Variants in INVS observed in about 807,000 individuals in gnomAD.
INVS encodes inversin, also known as inversion of embryo turning homolog.
In INVS, 86 loss-of-function variants were observed where a neutral mutation model predicts 108.8. The ratio of observed to expected loss-of-function variants is 0.79; its 90% CI spans 0.66 to 0.95. The LOEUF is 0.95. Among genes scored for constraint, INVS ranks in the 40% least tolerant of loss-of-function variants. The pLI is 0.00. For missense variants in INVS, 1,169 were observed against 1,297.4 expected (o/e 0.90, Z 1.52); for synonymous variants, 455 against 473.5 (o/e 0.96, Z 0.51).
chr9:100,249,283 T>C (rs1183229894), intron 8 of INVS, among the ~76,000 whole-genome samples: 1 of 152,174 alleles, frequency 6.6e-6, no homozygotes, highest in Admixed American at 6.5e-5. Context: ...CTGAAGAACA[T>C]GGTTTGGAAA....
chr9:100,129,526 T>TA (rs969843933), intron 3 of INVS: 9 of 462,220 alleles, frequency 1.9e-5, no homozygotes, highest in South Asian at 1.1e-4. Flanking sequence ...AAAAATTTTT[T>TA]AAAAAAACAA....
intron 3 of INVS, among the ~76,000 whole-genome samples, chr9:100,153,998 CAT>C (rs1277507090): frequency 5.9e-5 from 9 of 152,186 alleles, no homozygotes; most frequent in Admixed American, 2.6e-4. Flanking sequence ...TGGAGGGAAA[CAT>C]AACAATATCC....
intron 11 of INVS, among the ~76,000 whole-genome samples, chr9:100,267,634 A>G (rs1832834010): frequency 6.6e-6 from 1 of 152,250 alleles, no homozygotes; most frequent in Non-Finnish European, 1.5e-5. Flanking sequence ...GTCAATAACT[A>G]TCTGACACAC....
intron 7 of INVS, 145 bp from the exon 8 acceptor site, chr9:100,246,471 T>A (rs1832052051): frequency 1.6e-6 from 1 of 641,700 alleles, no homozygotes; most frequent in Admixed American, 2.8e-5. Flanking sequence ...AGTTCTGTCA[T>A]TAATAAAAAG....
chr9:100,168,355 C>CA (rs1479491383), intron 3 of INVS, among the ~76,000 whole-genome samples: 2 of 152,244 alleles, frequency 1.3e-5, no homozygotes, highest in East Asian at 3.9e-4. Context: ...AGGCTGCTGG[C>CA]AACGATCAGC....
At chr9:100,226,995 CA>C (rs1016249048) in intron 4 of INVS, among the ~76,000 whole-genome samples, 2 of 152,114 alleles carry the variant, frequency 1.3e-5, no homozygotes, top group Non-Finnish European at 2.9e-5. Flanking sequence ...GGTTTCAACC[CA>C]GAATCCACTA....
In INVS at chr9:100,301,164, CACACACACACACACAT is replaced by C. The variant is rs1017125973; in HGVS notation, c.*492_*507del. Among the ~76,000 whole-genome samples, 30 of 121,162 alleles carry C rather than the reference CACACACACACACACAT, an allele frequency of 2.5e-4. No individual in the cohort carries two copies. The East Asian group carries it at 3.3e-3, about 13-fold the overall frequency. 79.5% of individuals were successfully genotyped at this position (121,162 alleles called of 152,430 possible). ...TCACACACACACACACACACACACA[CACACACACACACACAT>C]ATCACGTCCCACTATTACTTCAAAA... is the stretch of plus-strand genomic sequence containing the variant. On this transcript the variant is annotated 3_prime_UTR_variant, in exon 17 of 17. Coordinates refer to ENST00000262457, the MANE Select transcript of INVS (RefSeq NM_014425.5).
At chr9:100,139,510 T>C (rs560249522) in intron 3 of INVS, among the ~76,000 whole-genome samples, 4 of 152,364 alleles carry the variant, frequency 2.6e-5, no homozygotes, top group East Asian at 3.9e-4. Context: ...TAGAAATCTC[T>C]ACCTGGATAT....
chr9:100,175,471 G>A, intron 3 of INVS: 1 of 849,124 alleles, frequency 1.2e-6, no homozygotes, highest in East Asian at 2.5e-5. Flanking sequence ...TGTGTACTCA[G>A]TGATAGATTT....
At chr9:100,100,706 AATAT>A (rs540643602) in intron 1 of INVS, among the ~76,000 whole-genome samples, 1,073 of 44,624 alleles carry the variant, frequency 0.024, 248 homozygotes, top group Middle Eastern at 0.06. Flanking sequence ...ATGTACATAT[AATAT>A]ATATATTATA....
At chr9:100,133,991 A>G (rs184011692) in intron 3 of INVS, among the ~76,000 whole-genome samples, 164 of 152,280 alleles carry the variant, frequency 1.1e-3, no homozygotes, top group South Asian at 2.1e-3. Context: ...ATTTGGTTAC[A>G]TGAGTAAGTT....
intron 3 of INVS, among the ~76,000 whole-genome samples, chr9:100,165,390 T>C (rs1161960262): frequency 6.6e-6 from 1 of 152,064 alleles, no homozygotes; most frequent in Non-Finnish European, 1.5e-5. Flanking sequence ...TCATTAGGAG[T>C]TGCAAAATGC....
intron 3 of INVS, among the ~76,000 whole-genome samples, chr9:100,225,081 G>A (rs929681458): frequency 2.0e-5 from 3 of 148,378 alleles, no homozygotes; most frequent in Non-Finnish European, 4.5e-5. Context: ...TTTTTGAGAC[G>A]GAGTCTCACT....
At chr9:100,151,532 C>T (rs150532355) in intron 3 of INVS, among the ~76,000 whole-genome samples, 99 of 151,898 alleles carry the variant, frequency 6.5e-4, no homozygotes, top group African/African-American at 2.2e-3. Context: ...AAAAGGAAAG[C>T]GCTAAGAGAT....
chr9:100,298,122 A>G, intron 16 of INVS, 112 bp downstream of exon 16: 3 of 1,575,610 alleles, frequency 1.9e-6, no homozygotes, highest in Non-Finnish European at 2.6e-6. Context: ...GGGTTTTCCA[A>G]TGGTCATTTG....
chr9:100,251,374 G>T (rs1447709818), intron 8 of INVS, among the ~76,000 whole-genome samples: 2 of 152,214 alleles, frequency 1.3e-5, no homozygotes, highest in Non-Finnish European at 2.9e-5. Flanking sequence ...GGCCTCTAAA[G>T]TGTTATTGTG....
Position 100,180,292 on chromosome 9 carries a change from A to G in INVS, c.274-45770A>G, listed in dbSNP as rs145043321. Among the ~76,000 whole-genome samples, 894 of 152,304 alleles carry G rather than the reference A, an allele frequency of 5.9e-3. 6 individuals are homozygous for G. The highest frequency in any genetic ancestry group is 0.023 in the South Asian group (110 of 4,824). On this transcript the variant is annotated intron_variant, in intron 3 of 16. Transcript: ENST00000262457. ...AATAACTAAGATCAGAGCAGAACTA[A>G]AGGAGATAGAGACACGAAAAACCCT...
intron 3 of INVS, among the ~76,000 whole-genome samples, chr9:100,161,073 A>G (rs951553682): frequency 6.6e-6 from 1 of 152,028 alleles, no homozygotes. Flanking sequence ...TCTTATGACA[A>G]AAATTTCATA....
chr9:100,251,806 A>G (rs924405628), intron 8 of INVS, among the ~76,000 whole-genome samples: 19 of 152,206 alleles, frequency 1.2e-4, no homozygotes, highest in African/African-American at 3.9e-4. Flanking sequence ...ACTTCAGCCA[A>G]CTGAAGGAAC....
Sources: allele counts gnomAD v4.1 joint callset (sites outside exome capture counted in the v4.1 genomes callset), GRCh38; gene constraint gnomAD v4.1.1; transcripts MANE v1.5; gene names NCBI Gene and HGNC (gene_info 2026-07-23, HGNC 2026-07-21).